Variants in SH3BP4 observed in about 807,000 individuals in gnomAD.
SH3BP4 encodes the protein SH3 domain-binding protein 4.
In SH3BP4, 33 loss-of-function variants were observed where a neutral mutation model predicts 65.5. The ratio of observed to expected loss-of-function variants is 0.50; its 90% confidence interval spans 0.38 to 0.67. The LOEUF (loss-of-function observed/expected upper bound fraction) is 0.67, where lower values mean the gene tolerates loss of function less well. Ranked by LOEUF, SH3BP4 falls within the 30% of genes least tolerant of loss-of-function variation. The probability of loss-of-function intolerance (pLI) is 0.00; values close to 1 mark genes in which losing one functional copy is unlikely to be tolerated. For missense variants in SH3BP4, 1,134 were observed against 1,261.4 expected, an observed-to-expected ratio of 0.90 and a Z score of 1.53; for synonymous variants, 552 against 545.5, an observed-to-expected ratio of 1.01 and a Z score of -0.17.
In SH3BP4 at chr2:235,038,374, TACA is replaced by T. The variant is rs1483545853; in HGVS notation, c.119-2513_119-2511del. On this transcript the variant is annotated intron_variant, in intron 3 of 5. Transcript: ENST00000392011. ...TTTATATATATATATATAATATATATACATATATATATATATATATATATATAT... is the reference window on the plus strand; with the variant it reads ...TTTATATATATATATATAATATATATTATATATATATATATATATATATAT... Among the ~76,000 whole-genome samples the T allele has an allele frequency of 7.9e-3, 321 of 40,726 alleles. 9 individuals are homozygous for T. Among genetic ancestry groups the T allele is most frequent in the Non-Finnish European group, 0.011 (265 of 24,748 alleles). 26.7% of individuals were successfully genotyped at this position (40,726 alleles called of 152,430 possible).
intron 1 of SH3BP4, among the ~76,000 whole-genome samples, chr2:234,968,729 C>G (rs866615526): frequency 6.6e-6 from 1 of 152,174 alleles, no homozygotes; most frequent in Non-Finnish European, 1.5e-5. Context: ...TCCACACTCA[C>G]GGCTTTTACC....
Position 235,016,800 on chromosome 2 carries a change from C to G in SH3BP4, c.-132-18071C>G, listed in dbSNP as rs577882924. 2.7e-4 allele frequency among the ~76,000 whole-genome samples: 41 copies of G among 152,330 alleles called. No individual in the cohort carries two copies. In the South Asian group the frequency reaches 6.2e-3, roughly 23 times the overall value. ...CTGGGATAACAGGTGTGAGCCACCT[C>G]AACTCATCTTTTCATTCACCCTTCT... On this transcript the variant is annotated intron_variant, in intron 2 of 5. Coordinates refer to ENST00000392011, the MANE Select transcript of SH3BP4 (RefSeq NM_014521.3).
At position 234,967,127 on chromosome 2, in the gene SH3BP4, T is replaced by C. The variant is rs1350796665; in HGVS notation, c.-207+14957T>C. On this transcript the variant is annotated intron_variant, in intron 1 of 5. Coordinates refer to ENST00000392011, the MANE Select transcript of SH3BP4 (RefSeq NM_014521.3). The surrounding 1 kb of genome is among the most constrained non-coding windows in gnomAD (Gnocchi z 4.6). ...AACAGATCGGGAAACTGAGGAACCA[T>C]GGGGTTTAGGGACTTGTGTGAGCTG... is the stretch of plus-strand genomic sequence containing the variant. Among the ~76,000 whole-genome samples the C allele has an allele frequency of 6.6e-6, 1 of 152,112 alleles. No individual in the cohort carries two copies. Among genetic ancestry groups the C allele is most frequent in the Admixed American group, 6.5e-5 (1 of 15,270 alleles).
In SH3BP4 at chr2:235,034,753, T is replaced by C; in HGVS notation, c.-132-118T>C. 1 of 463,318 alleles carries C rather than the reference T, an allele frequency of 2.2e-6. No homozygotes were observed. The highest frequency in any genetic ancestry group is 3.9e-6 in the Non-Finnish European group (1 of 254,950). 28.7% of individuals were successfully genotyped at this position (463,318 alleles called of 1,614,324 possible). On this transcript the variant is annotated intron_variant, in intron 2 of 5. Transcript: ENST00000392011. This position sits in a 1 kb window ranked among gnomAD's most constrained non-coding sequence, Gnocchi z 6.2. ...CTCTGTTGGGCCAGGAAAGATGAAA[T>C]GGGTCTGTCCTCATTAGAACAGCCT...
At position 235,026,027 on chromosome 2, in the gene SH3BP4, G is replaced by T. The variant is rs1025944850; in HGVS notation, c.-132-8844G>T. ...CACAGACTGTGGGGGCCTCTGAAGA[G>T]TCTGAAGTAATGGTTGCTTTGAATG... On this transcript the variant is annotated intron_variant, in intron 2 of 5. Transcript: ENST00000392011. The surrounding 1 kb of genome is among the most constrained non-coding windows in gnomAD (Gnocchi z 4.6). Among the ~76,000 whole-genome samples the T allele has an allele frequency of 4.6e-5, 7 of 152,200 alleles. No individual in the cohort carries two copies. Among genetic ancestry groups the T allele is most frequent in the South Asian group, 2.1e-4 (1 of 4,828 alleles).
chr2:235,014,495 A>G (rs924897887), intron 2 of SH3BP4, among the ~76,000 whole-genome samples: 4 of 152,156 alleles, frequency 2.6e-5, no homozygotes, highest in African/African-American at 9.7e-5. Context: ...TCCTGGGGCC[A>G]CCATAACAAA....
intron 2 of SH3BP4, among the ~76,000 whole-genome samples, chr2:235,024,262 CT>C (rs1694929211): frequency 6.6e-6 from 1 of 152,200 alleles, no homozygotes; most frequent in South Asian, 2.1e-4. Flanking sequence ...CGAGTGACAC[CT>C]TGCAAAGTCA....
rs1267084707 is a variant in SH3BP4 at position 235,045,502 on chromosome 2, C to G, written c.2478+2255C>G. Among the ~76,000 whole-genome samples, 2 of 152,080 alleles carry G rather than the reference C, an allele frequency of 1.3e-5. No homozygotes were observed. Among genetic ancestry groups the G allele is most frequent in the Admixed American group, 6.5e-5 (1 of 15,278 alleles). On this transcript the variant is annotated intron_variant, in intron 4 of 5. Coordinates refer to ENST00000392011, the MANE Select transcript of SH3BP4 (RefSeq NM_014521.3). This position sits in a 1 kb window ranked among gnomAD's most constrained non-coding sequence, Gnocchi z 4.3. ...AGGGGTGTGTCCTCTGTGCCCGAGT[C>G]CTTCCGCTACCCAGAAAGGAGGAAG...
chr2:234,955,793 A>G (rs899027119), intron 1 of SH3BP4, among the ~76,000 whole-genome samples: 1 of 152,232 alleles, frequency 6.6e-6, no homozygotes, highest in African/African-American at 2.4e-5. Context: ...GGCTTACCAT[A>G]TGCTAGGCTG....
At position 234,974,736 on chromosome 2, in the gene SH3BP4, A is replaced by G. The variant is rs528319219; in HGVS notation, c.-206-20567A>G. Among the ~76,000 whole-genome samples, 5 of 152,254 alleles carry G rather than the reference A, an allele frequency of 3.3e-5. No homozygotes were observed. In the East Asian group the frequency reaches 9.7e-4, roughly 29 times the overall value. ...CCGAAAAATCGAGGGGTTCCTTGCC[A>G]GCTTCTCTGGCTCCTGTCTGCCTCC... is the stretch of plus-strand genomic sequence containing the variant. On this transcript the variant is annotated intron_variant, in intron 1 of 5. Transcript: ENST00000392011. The surrounding 1 kb of genome is among the most constrained non-coding windows in gnomAD (Gnocchi z 4.6).
At position 234,974,772 on chromosome 2, in the gene SH3BP4, C is replaced by G. The variant is rs1416406732; in HGVS notation, c.-206-20531C>G. 1.3e-5 allele frequency among the ~76,000 whole-genome samples: 2 copies of G among 152,190 alleles called. No individual in the cohort carries two copies. Among genetic ancestry groups the G allele is most frequent in the Non-Finnish European group, 2.9e-5 (2 of 68,030 alleles). ...CTCCTGTCTGCCTCCTCTTTGTTCC[C>G]TGGCTGGTGTTGGGGTGCTTTCTGG... is the stretch of plus-strand genomic sequence containing the variant. On this transcript the variant is annotated intron_variant, in intron 1 of 5. Transcript: ENST00000392011. This position sits in a 1 kb window ranked among gnomAD's most constrained non-coding sequence, Gnocchi z 4.6.
chr2:235,012,638 G>C (rs1694548592), intron 2 of SH3BP4, among the ~76,000 whole-genome samples: 2 of 152,202 alleles, frequency 1.3e-5, no homozygotes, highest in Non-Finnish European at 2.9e-5. Flanking sequence ...GGCCGGCTGG[G>C]CTGCAGTGCC....
At position 235,041,146 on chromosome 2, in the gene SH3BP4, A is replaced by G; in HGVS notation, c.377A>G (p.Asp126Gly). The change falls in exon 4 of 6, where the codon GAT (aspartate) becomes GGT (glycine). Residue 126 changes from aspartate to glycine, a missense_variant. By Grantham distance (94) the Asp-to-Gly change is moderately conservative. Transcript: ENST00000392011. This position sits in a 1 kb window ranked among gnomAD's most constrained non-coding sequence, Gnocchi z 6.0. ...ACACTGAGTGACAGCGGTATGATTG[A>G]TAATCTTCCAGACAGCCCAGACGAG... is the stretch of plus-strand genomic sequence containing the variant. Reference protein sequence around the residue: ...NSTLSDSGMIDNLPDSPDEVA... With the variant: ...NSTLSDSGMIGNLPDSPDEVA... 6.2e-7 allele frequency: 1 copy of G among 1,614,188 alleles called. No homozygotes were observed. Among genetic ancestry groups the G allele is most frequent in the Non-Finnish European group, 8.5e-7 (1 of 1,180,032 alleles).
At chr2:235,001,717 C>G (rs779345761) in intron 2 of SH3BP4, among the ~76,000 whole-genome samples, 1 of 152,160 alleles carries the variant, frequency 6.6e-6, no homozygotes, top group Admixed American at 6.5e-5. Flanking sequence ...AGGCCGCATC[C>G]GGGAAGCCTG....
intron 2 of SH3BP4, among the ~76,000 whole-genome samples, chr2:235,032,018 T>C (rs1316420193): frequency 6.6e-6 from 1 of 152,236 alleles, no homozygotes; most frequent in African/African-American, 2.4e-5. Context: ...GGCAATGCTA[T>C]AGTCATGAGG....
intron 2 of SH3BP4, among the ~76,000 whole-genome samples, chr2:234,999,763 A>G (rs1234928230): frequency 1.3e-5 from 2 of 152,222 alleles, no homozygotes; most frequent in African/African-American, 4.8e-5. Flanking sequence ...GGAATGATCC[A>G]GAAAGAGAGC....
At chr2:235,007,602 G>A (rs1694336686) in intron 2 of SH3BP4, among the ~76,000 whole-genome samples, 1 of 152,206 alleles carries the variant, frequency 6.6e-6, no homozygotes, top group Admixed American at 6.5e-5. Context: ...AGAGTTTGCT[G>A]TTTCACCTAG....
chr2:235,002,143 T>A (rs1430905850), intron 2 of SH3BP4, among the ~76,000 whole-genome samples: 2 of 152,170 alleles, frequency 1.3e-5, no homozygotes, highest in Non-Finnish European at 1.5e-5. Flanking sequence ...ATTACAGGTG[T>A]GAGCCACCAT....
At chr2:235,032,189 T>TG (rs1243518292) in intron 2 of SH3BP4, among the ~76,000 whole-genome samples, 3 of 152,084 alleles carry the variant, frequency 2.0e-5, no homozygotes, top group Non-Finnish European at 4.4e-5. Context: ...TCTGGACTGG[T>TG]GGGGGTGGGA....
Sources: gnomAD v4.1 joint callset for allele counts (sites outside exome capture counted in the v4.1 genomes callset) on GRCh38, gnomAD v4.1.1 for gene constraint, Gnocchi (gnomAD v3.1) non-coding constraint, MANE v1.5 for transcripts, NCBI Gene and HGNC (gene_info 2026-07-23, HGNC 2026-07-21) for gene names.